Variants in MYPN observed in about 807,000 individuals in gnomAD.
MYPN encodes the protein sarcomeric protein myopalladin, 145 kDa (MYOP).
In MYPN, 63 loss-of-function variants were observed where a neutral mutation model predicts 129.4. The ratio of observed to expected loss-of-function variants is 0.49; its 90% CI spans 0.40 to 0.60. The LOEUF is 0.60. Ranked by LOEUF, MYPN falls within the 20% of genes least tolerant of loss-of-function variation. MYPN has a pLI of 0.00. For missense variants in MYPN, 1,596 were observed against 1,635.4 expected (o/e 0.98, Z 0.42); for synonymous variants, 629 against 600.9 (o/e 1.05, Z -0.68).
At position 68,189,530 on chromosome 10, in the gene MYPN, C is replaced by T. The variant is rs565655190; in HGVS notation, c.2925+404C>T. ...TCATTCCCTTCTCCCATCTATCCTT[C>T]CCAGCCTGTGGTAACCACCATTCCA... On this transcript the variant is annotated intron_variant, in intron 13 of 19. Transcript: ENST00000358913. 1.7e-3 allele frequency among the ~76,000 whole-genome samples: 263 copies of T among 152,302 alleles called. 8 individuals are homozygous for T. Among genetic ancestry groups the T allele is most frequent in the Non-Finnish European group, 4.7e-4 (32 of 68,026 alleles).
rs2042252262 is a variant in MYPN, at chr10:68,122,085, C to T, written c.647C>T (p.Pro216Leu). The T allele has an allele frequency of 2.5e-6, 4 of 1,614,110 alleles. No homozygotes were observed. The highest frequency in any genetic ancestry group is 1.7e-5 in the Admixed American group (1 of 60,006). ...AGATCTTCTGTTCCCATCCCTATCC[C>T]TGCGGATACCAGGGATAATGAAGTG... ...RERSSVPIPI[P>L]ADTRDNEVNH... The change falls in exon 2 of 20, where the codon CCT becomes CTT. Residue 216 changes from proline (P) to leucine (L), a missense_variant. Pro to Leu is a moderately conservative substitution (Grantham distance 98). Coordinates refer to ENST00000358913, the MANE Select transcript of MYPN (RefSeq NM_032578.4).
chr10:68,111,806 C>G (rs1564641764), intron 1 of MYPN, among the ~76,000 whole-genome samples: 1 of 152,200 alleles, frequency 6.6e-6, no homozygotes, highest in Non-Finnish European at 1.5e-5. Flanking sequence ...GTGCACTCCA[C>G]TCTCAGGGAG....
chr10:68,169,223 T>C (rs1422279248), intron 10 of MYPN, among the ~76,000 whole-genome samples: 2 of 141,222 alleles, frequency 1.4e-5, no homozygotes, highest in Non-Finnish European at 3.0e-5. Flanking sequence ...CCAGGTGTTG[T>C]GGCGGGCGCC....
At chr10:68,135,447 G>A (rs1262278847) in intron 2 of MYPN, 6 of 973,144 alleles carry the variant, frequency 6.2e-6, no homozygotes, top group African/African-American at 3.5e-5. Flanking sequence ...CTTATTGTCC[G>A]ATATATTCCA....
At position 68,122,094 on chromosome 10, in the gene MYPN, C is replaced by T. The variant is rs1288482014; in HGVS notation, c.656C>T (p.Thr219Ile). Reference protein sequence around the residue: ...SSVPIPIPADTRDNEVNHALE... With the variant: ...SSVPIPIPADIRDNEVNHALE... ...GTTCCCATCCCTATCCCTGCGGATA[C>T]CAGGGATAATGAAGTGAATCACGCC... Residue 219 changes from threonine to isoleucine, a missense_variant, in exon 2 of 20, where the codon ACC becomes ATC. Physicochemically the swap from Thr to Ile is moderately conservative, Grantham distance 89 (BLOSUM62 -1). Coordinates refer to ENST00000358913, the MANE Select transcript of MYPN (RefSeq NM_032578.4). The T allele has an allele frequency of 6.2e-7, 1 of 1,614,072 alleles. No homozygotes were observed. Among genetic ancestry groups the T allele is most frequent in the African/African-American group, 1.3e-5 (1 of 74,936 alleles).
chr10:68,098,069 A>C (rs1313533302), intron 1 of MYPN, among the ~76,000 whole-genome samples: 1 of 152,088 alleles, frequency 6.6e-6, no homozygotes, highest in Non-Finnish European at 1.5e-5. Flanking sequence ...AACATGGTGA[A>C]ACCCTGTCTC....
chr10:68,136,676 C>T lies in MYPN; in HGVS notation c.903-6264C>T, dbSNP rs770313876. 5.9e-6 allele frequency: 9 copies of T among 1,535,160 alleles called. No individual in the cohort carries two copies. In the South Asian group the frequency reaches 8.3e-5, roughly 14 times the overall value. ...AGAGAGTTTGGGCATTTGAATCATT[C>T]CACTTATCTCCTTCTGGCTATCCAA... is the stretch of plus-strand genomic sequence containing the variant. On this transcript the variant is annotated intron_variant, in intron 2 of 19. Transcript: ENST00000358913.
chr10:68,145,653 A>G, intron 4 of MYPN, 127 bp downstream of exon 4: 1 of 756,690 alleles, frequency 1.3e-6, no homozygotes, highest in Non-Finnish European at 2.3e-6. Context: ...AAATAAATAA[A>G]TAAACAAACA....
At chr10:68,203,745 A>C in intron 18 of MYPN, among the ~76,000 whole-genome samples, 1 of 139,130 alleles carries the variant, frequency 7.2e-6, no homozygotes, top group African/African-American at 2.6e-5. Flanking sequence ...AGAGAGAGAG[A>C]GATACAGTTG....
chr10:68,096,298 G>A (rs1200842415), intron 1 of MYPN, among the ~76,000 whole-genome samples: 1 of 152,188 alleles, frequency 6.6e-6, no homozygotes, highest in Non-Finnish European at 1.5e-5. Context: ...TGTGAAACAT[G>A]AGTATTAAAG....
chr10:68,103,511 C>T (rs1224917471), upstream of MYPN, among the ~76,000 whole-genome samples: 2 of 152,208 alleles, frequency 1.3e-5, no homozygotes, highest in African/African-American at 2.4e-5. Context: ...GTATCTTTAA[C>T]AATCCCATTG....
At chr10:68,195,344 T>A (rs527810738) in intron 14 of MYPN, 106 bp from the exon 15 acceptor site, 1 of 968,438 alleles carries the variant, frequency 1.0e-6, no homozygotes, top group Non-Finnish European at 1.7e-6. Flanking sequence ...AAAGAAAAAC[T>A]CATAATAGCC....
chr10:68,151,213 T>C (rs1390671453), intron 6 of MYPN, among the ~76,000 whole-genome samples: 1 of 152,214 alleles, frequency 6.6e-6, no homozygotes, highest in Non-Finnish European at 1.5e-5. Flanking sequence ...ATCCACAGCT[T>C]CTACAGAAGC....
At chr10:68,146,616 T>C (rs2042671071) in intron 4 of MYPN, among the ~76,000 whole-genome samples, 1 of 152,234 alleles carries the variant, frequency 6.6e-6, no homozygotes, top group Non-Finnish European at 1.5e-5. Context: ...TACATACAAA[T>C]CTGGATTTGG....
chr10:68,120,405 G>A (rs1294438671), intron 1 of MYPN, among the ~76,000 whole-genome samples: 2 of 152,094 alleles, frequency 1.3e-5, no homozygotes, highest in African/African-American at 2.4e-5. Context: ...AACACAGAGC[G>A]AAGTCTCCTG....
At chr10:68,098,643 A>G (rs964092229) in intron 1 of MYPN, among the ~76,000 whole-genome samples, 6 of 152,254 alleles carry the variant, frequency 3.9e-5, no homozygotes, top group African/African-American at 7.2e-5. Flanking sequence ...CAGGTGTTTG[A>G]GGCCAGCCTG....
Position 68,211,830 on chromosome 10 carries a change from A to C in MYPN, c.*1375A>C. 2.2e-6 allele frequency: 1 copy of C among 453,866 alleles called. No homozygotes were observed. Among genetic ancestry groups the C allele is most frequent in the East Asian group, 6.9e-5 (1 of 14,406 alleles). The allele number at this position is 453,866 out of a possible 1,614,324, so 28.1% of individuals were successfully genotyped here. A position where few individuals can be genotyped will look rare whatever the true frequency, so the allele number is the denominator to read the frequency against. ...CAGCACAGTTTGCTCTAGGCTGTGC[A>C]GGGAAATGAATTGCAGGTGTCTGTT... is the stretch of plus-strand genomic sequence containing the variant. On this transcript the variant is annotated 3_prime_UTR_variant, in exon 20 of 20. Transcript: ENST00000358913.
intron 10 of MYPN, among the ~76,000 whole-genome samples, chr10:68,166,983 G>A (rs2043065805): frequency 1.3e-5 from 2 of 152,128 alleles, no homozygotes; most frequent in Admixed American, 1.3e-4. Context: ...AGGCTACAGT[G>A]AGCTGTGATC....
In MYPN at chr10:68,174,256, C is replaced by A; in HGVS notation, c.2164C>A (p.Arg722=). Residue 722 remains arginine (R), a synonymous_variant, in exon 11 of 20, where the codon CGG becomes AGG. Coordinates refer to ENST00000358913, the MANE Select transcript of MYPN (RefSeq NM_032578.4). ...APSSQTFSLA[R]PKYFFPSTNT... ...TTCATCACAGACGTTCAGCTTGGCC[C>A]GGCCGAAGTATTTCTTCCCCTCCAC... The A allele has an allele frequency of 6.2e-7, 1 of 1,614,136 alleles. No homozygotes were observed. The highest frequency in any genetic ancestry group is 8.5e-7 in the Non-Finnish European group (1 of 1,180,022).
Sources: gnomAD v4.1 joint callset for allele counts (sites outside exome capture counted in the v4.1 genomes callset) on GRCh38, gnomAD v4.1.1 for gene constraint, MANE v1.5 for transcripts, NCBI Gene and HGNC (gene_info 2026-07-23, HGNC 2026-07-21) for gene names.